EIF2AK3: variants seen among roughly 807,000 people sequenced by gnomAD.
The protein encoded by EIF2AK3 is eukaryotic translation initiation factor 2 alpha kinase 3, also known as eukaryotic translation initiation factor 2-alpha kinase 3.
EIF2AK3 carries 50 observed loss-of-function variants against 113.5 expected under a neutral mutation model. The ratio of observed to expected loss-of-function variants is 0.44; its 90% CI spans 0.35 to 0.56. The LOEUF (loss-of-function observed/expected upper bound fraction) is 0.56, where lower values mean the gene tolerates loss of function less well. Ranked by LOEUF, EIF2AK3 falls within the 20% of genes least tolerant of loss-of-function variation. The pLI, the probability that EIF2AK3 is intolerant of heterozygous loss-of-function variation, is 0.00. For synonymous variants in EIF2AK3, 448 were observed against 495.4 expected (o/e 0.90, Z 1.27); for missense variants, 1,185 against 1,378.0 (o/e 0.86, Z 2.22).
intron 11 of EIF2AK3, 54 bp downstream of exon 11, chr2:88,579,464 G>T: frequency 4.4e-6 from 7 of 1,606,102 alleles, no homozygotes; most frequent in Non-Finnish European, 6.0e-6. Context: ...TTTTACCCAT[G>T]AGATTAGATC....
rs754829359 is a variant in EIF2AK3 at position 88,627,320 on chromosome 2, C to T, written c.-46G>A. The T allele has an allele frequency of 2.3e-4, 335 of 1,442,108 alleles. No individual in the cohort carries two copies. Among genetic ancestry groups the T allele is most frequent in the Admixed American group, 7.1e-4 (28 of 39,348 alleles). The allele number at this position is 1,442,108 out of a possible 1,614,324, so 89.3% of individuals were successfully genotyped here. A position where few individuals can be genotyped will look rare whatever the true frequency, so the allele number is the denominator to read the frequency against. The stretch of plus-strand genomic sequence containing the variant: ...AGGCATGGAGGCGCAGCCACTGACG[C>T]CTGCCTCTCCCGCCGCTTGGAGCTC... On this transcript the variant is annotated 5_prime_UTR_variant, in exon 1 of 17. Coordinates refer to ENST00000303236, the MANE Select transcript of EIF2AK3 (RefSeq NM_004836.7).
intron 2 of EIF2AK3, among the ~76,000 whole-genome samples, chr2:88,605,990 C>A (rs1317130625): frequency 6.6e-6 from 1 of 152,088 alleles, no homozygotes; most frequent in Non-Finnish European, 1.5e-5. Flanking sequence ...CAGATTGCAT[C>A]CCAAGTGATA....
chr2:88,625,124 G>A (rs1023849506), intron 1 of EIF2AK3, among the ~76,000 whole-genome samples: 3 of 152,148 alleles, frequency 2.0e-5, no homozygotes, highest in Admixed American at 6.5e-5. Context: ...CAGGGAGTGT[G>A]GGGTGGTGCC....
intron 1 of EIF2AK3, among the ~76,000 whole-genome samples, chr2:88,616,470 AG>A (rs1296788507): frequency 9.2e-5 from 14 of 152,168 alleles, no homozygotes; most frequent in African/African-American, 3.4e-4. Context: ...CTTGTCGCCC[AG>A]GCTGGAGTGC....
intron 1 of EIF2AK3, 73 bp downstream of exon 1, chr2:88,626,894 G>T (rs955200316): frequency 1.3e-6 from 2 of 1,557,510 alleles, no homozygotes; most frequent in Non-Finnish European, 1.7e-6. Context: ...CCGGATCTCC[G>T]CCCCCCTACA....
intron 1 of EIF2AK3, among the ~76,000 whole-genome samples, chr2:88,623,973 ACCTGTT>A (rs964759096): frequency 3.0e-4 from 45 of 149,454 alleles, no homozygotes; most frequent in African/African-American, 1.1e-3. Flanking sequence ...TCACCTCATC[ACCTGTT>A]CCTTTCATTT....
At chr2:88,609,358 T>C (rs1675373708) in intron 2 of EIF2AK3, among the ~76,000 whole-genome samples, 1 of 152,222 alleles carries the variant, frequency 6.6e-6, no homozygotes, top group South Asian at 2.1e-4. Context: ...CCTGAAGGTA[T>C]AAAAGCAATG....
intron 11 of EIF2AK3, among the ~76,000 whole-genome samples, chr2:88,577,461 CTTT>C (rs199735400): frequency 1.4e-5 from 2 of 139,442 alleles, no homozygotes; most frequent in African/African-American, 2.6e-5. Context: ...TACAAGCTAT[CTTT>C]TTTTTTTTTT....
At chr2:88,570,735 A>T in intron 14 of EIF2AK3, 139 bp downstream of exon 14, 2 of 1,063,856 alleles carry the variant, frequency 1.9e-6, no homozygotes, top group Non-Finnish European at 2.9e-6. Context: ...CTATTCCACT[A>T]CTGGAACACT....
chr2:88,593,019 G>A (rs1240104550), intron 4 of EIF2AK3, among the ~76,000 whole-genome samples: 1 of 152,076 alleles, frequency 6.6e-6, no homozygotes, highest in Non-Finnish European at 1.5e-5. Context: ...GCACGTGCCT[G>A]TAATCCCCGG....
In EIF2AK3 at chr2:88,574,937, G is replaced by A. The variant is rs1421873804; in HGVS notation, c.2546C>T (p.Ser849Phe). Residue 849 changes from serine (S) to phenylalanine (F), a missense_variant, in exon 13 of 17, where the codon TCT becomes TTT. Physicochemically the swap from Ser to Phe is radical, Grantham distance 155. Coordinates refer to ENST00000303236, the MANE Select transcript of EIF2AK3 (RefSeq NM_004836.7). ...AFKPTSSKSS[S>F]EATLSISPPR... ...AGGAGAAATAGACAATGTAGCTTCA[G>A]AAGAAGATTTGCTACTGGTGGGCTT... The A allele has an allele frequency of 6.2e-7, 1 of 1,614,140 alleles. No individual in the cohort carries two copies. The highest frequency in any genetic ancestry group is 1.3e-5 in the African/African-American group (1 of 75,022).
chr2:88,570,621 G>T (rs1476125698), intron 14 of EIF2AK3, among the ~76,000 whole-genome samples: 2 of 152,168 alleles, frequency 1.3e-5, no homozygotes, highest in South Asian at 2.1e-4. Context: ...CAAATTCCTG[G>T]TTGCTGTCAG....
chr2:88,607,799 A>C (rs1675327916), intron 2 of EIF2AK3, among the ~76,000 whole-genome samples: 2 of 152,186 alleles, frequency 1.3e-5, no homozygotes, highest in South Asian at 2.1e-4. Flanking sequence ...AGAATCCTTA[A>C]ATGTAGTAAA....
intron 15 of EIF2AK3, 41 bp downstream of exon 15, chr2:88,562,248 T>C: frequency 6.6e-7 from 1 of 1,519,886 alleles, no homozygotes; most frequent in Non-Finnish European, 9.1e-7. Context: ...TTAGATTATT[T>C]TCTGTTTGAA....
intron 2 of EIF2AK3, among the ~76,000 whole-genome samples, chr2:88,599,066 G>A (rs1157524680): frequency 1.3e-5 from 2 of 151,820 alleles, no homozygotes; most frequent in East Asian, 1.9e-4. Flanking sequence ...ACTGTCTGTA[G>A]TTTGAAATTA....
At chr2:88,563,248 G>GAA (rs1674012401) in intron 14 of EIF2AK3, among the ~76,000 whole-genome samples, 1 of 152,274 alleles carries the variant, frequency 6.6e-6, no homozygotes, top group South Asian at 2.1e-4. Flanking sequence ...CAGGGTTTAT[G>GAA]ATCCCTTCAC....
intron 2 of EIF2AK3, among the ~76,000 whole-genome samples, chr2:88,601,834 C>CTTTTTTTTTTTATTTTTTTT (rs1675155249): frequency 1.3e-5 from 1 of 74,858 alleles, no homozygotes; most frequent in Non-Finnish European, 2.5e-5. Context: ...TAAGATTTTT[C>CTTTTTTTTTTTATTTTTTTT]TTTTTTTTTT....
chr2:88,565,431 C>G (rs533617494), intron 14 of EIF2AK3, among the ~76,000 whole-genome samples: 58 of 152,040 alleles, frequency 3.8e-4, no homozygotes, highest in African/African-American at 1.4e-3. Context: ...ACCTCCACCT[C>G]CCAGCCTCAA....
intron 1 of EIF2AK3, among the ~76,000 whole-genome samples, chr2:88,626,085 C>T (rs984729770): frequency 6.6e-6 from 1 of 152,192 alleles, no homozygotes; most frequent in Non-Finnish European, 1.5e-5. Context: ...TGGGACATCA[C>T]TTTCTCCACG....
Sources: allele counts gnomAD v4.1 joint callset (sites outside exome capture counted in the v4.1 genomes callset), GRCh38; gene constraint gnomAD v4.1.1; transcripts MANE v1.5; gene names NCBI Gene and HGNC (gene_info 2026-07-23, HGNC 2026-07-21).